The following FCHSD2 variants were observed in gnomAD, a reference collection of about 807,000 sequenced individuals.
FCHSD2 encodes F-BAR and double SH3 domains protein 2.
FCHSD2 carries 38 observed loss-of-function variants against 108.1 expected under a neutral mutation model. That is an observed-to-expected ratio of 0.35 (90% CI 0.27 to 0.46). FCHSD2 has a LOEUF of 0.46. Ranked by LOEUF, FCHSD2 falls within the 20% of genes least tolerant of loss-of-function variation. FCHSD2 has a pLI of 1.00. For synonymous variants in FCHSD2, 279 were observed against 314.7 expected, an observed-to-expected ratio of 0.89 and a Z score of 1.20; for missense variants, 751 against 897.8, an observed-to-expected ratio of 0.84 and a Z score of 2.09.
chr11:72,994,085 C>G (rs892247350), intron 5 of FCHSD2, among the ~76,000 whole-genome samples: 2 of 152,120 alleles, frequency 1.3e-5, no homozygotes, highest in South Asian at 4.1e-4. Flanking sequence ...GTCTCACTCC[C>G]TTGTCCTAGA....
At chr11:72,938,253 G>A (rs923593597) in intron 8 of FCHSD2, among the ~76,000 whole-genome samples, 2 of 145,416 alleles carry the variant, frequency 1.4e-5, no homozygotes, top group Admixed American at 7.2e-5. Context: ...GCACGATCTC[G>A]GCTCACTGCA....
intron 18 of FCHSD2, among the ~76,000 whole-genome samples, 198 bp downstream of exon 18, chr11:72,841,256 C>A (rs1017676366): frequency 6.7e-6 from 1 of 148,378 alleles, no homozygotes; most frequent in African/African-American, 2.5e-5. Context: ...ATCACTTGAG[C>A]CCAGGAATTG....
chr11:72,877,215 G>C (rs188964925), intron 12 of FCHSD2, among the ~76,000 whole-genome samples: 1 of 151,974 alleles, frequency 6.6e-6, no homozygotes, highest in Non-Finnish European at 1.5e-5. Context: ...ATTAGTGTTT[G>C]TTCTCCTGTG....
At chr11:73,018,473 A>G (rs1204711820) in intron 3 of FCHSD2, among the ~76,000 whole-genome samples, 1 of 148,706 alleles carries the variant, frequency 6.7e-6, no homozygotes, top group East Asian at 2.0e-4. Flanking sequence ...TGGTTTAAAT[A>G]TTTGTCTGTT....
At chr11:73,047,301 T>C (rs557608941) in intron 3 of FCHSD2, among the ~76,000 whole-genome samples, 1 of 152,162 alleles carries the variant, frequency 6.6e-6, no homozygotes, top group African/African-American at 2.4e-5. Context: ...TGGTAGAAGC[T>C]ACATACCTAA....
chr11:73,114,783 G>T (rs909695209), intron 2 of FCHSD2, among the ~76,000 whole-genome samples: 3 of 152,028 alleles, frequency 2.0e-5, no homozygotes, highest in African/African-American at 7.3e-5. Flanking sequence ...TGGTTGAGCT[G>T]GTATCCAAGA....
chr11:73,064,080 A>C (rs1378206882), intron 3 of FCHSD2, among the ~76,000 whole-genome samples: 2 of 152,178 alleles, frequency 1.3e-5, no homozygotes, highest in African/African-American at 4.8e-5. Flanking sequence ...TGGAAATCAT[A>C]ACAGTCTCTC....
At chr11:72,947,455 C>T (rs1295729723) in intron 8 of FCHSD2, among the ~76,000 whole-genome samples, 4 of 152,160 alleles carry the variant, frequency 2.6e-5, no homozygotes, top group Non-Finnish European at 5.9e-5. Flanking sequence ...AGAACTAAAG[C>T]CAAAGTCAGT....
At chr11:73,060,407 T>TA (rs1219667098) in intron 3 of FCHSD2, among the ~76,000 whole-genome samples, 1 of 152,200 alleles carries the variant, frequency 6.6e-6, no homozygotes, top group Non-Finnish European at 1.5e-5. Flanking sequence ...AACATTCTAA[T>TA]ACCAGGAGCC....
At chr11:73,036,253 T>C (rs939295573) in intron 3 of FCHSD2, among the ~76,000 whole-genome samples, 3 of 151,646 alleles carry the variant, frequency 2.0e-5, no homozygotes, top group Non-Finnish European at 4.4e-5. Flanking sequence ...ATTAAAGTAT[T>C]GGAGCCAACA....
At chr11:73,068,948 G>A (rs756223427) in intron 3 of FCHSD2, among the ~76,000 whole-genome samples, 42 of 151,328 alleles carry the variant, frequency 2.8e-4, no homozygotes, top group Non-Finnish European at 4.7e-4. Context: ...AAAGAAGGTC[G>A]AGGCTGCAGT....
At chr11:73,057,803 A>G (rs79208044) in intron 3 of FCHSD2, among the ~76,000 whole-genome samples, 1 of 152,140 alleles carries the variant, frequency 6.6e-6, no homozygotes, top group Non-Finnish European at 1.5e-5. Context: ...TATACAGGGA[A>G]TGAGTTCCCC....
intron 8 of FCHSD2, among the ~76,000 whole-genome samples, chr11:72,933,915 C>T (rs544060193): frequency 1.3e-5 from 2 of 151,998 alleles, no homozygotes; most frequent in South Asian, 4.2e-4. Context: ...TCAAGACTAA[C>T]TTGGGCAACA....
intron 3 of FCHSD2, among the ~76,000 whole-genome samples, chr11:73,032,152 A>G (rs1858375655): frequency 6.6e-6 from 1 of 152,218 alleles, no homozygotes; most frequent in Non-Finnish European, 1.5e-5. Context: ...TATATACTCT[A>G]GAATACATAT....
At chr11:73,018,003 T>A (rs1426776887) in intron 3 of FCHSD2, among the ~76,000 whole-genome samples, 2 of 152,170 alleles carry the variant, frequency 1.3e-5, no homozygotes, top group Non-Finnish European at 2.9e-5. Context: ...ACAGGATAAA[T>A]ATTTGAATGT....
At chr11:73,000,011 AC>A (rs1182466257) in intron 5 of FCHSD2, among the ~76,000 whole-genome samples, 1 of 152,228 alleles carries the variant, frequency 6.6e-6, no homozygotes, top group Non-Finnish European at 1.5e-5. Context: ...GCATTCTTAT[AC>A]AAATATGTTT....
intron 5 of FCHSD2, among the ~76,000 whole-genome samples, chr11:72,993,026 A>G (rs1376780023): frequency 6.6e-6 from 1 of 152,234 alleles, no homozygotes; most frequent in East Asian, 1.9e-4. Flanking sequence ...AAGGGCTAAT[A>G]ACCAGAATCT....
At chr11:73,029,843 G>A (rs1858317524) in intron 3 of FCHSD2, among the ~76,000 whole-genome samples, 3 of 152,182 alleles carry the variant, frequency 2.0e-5, no homozygotes, top group African/African-American at 7.2e-5. Context: ...CACAGGCTCA[G>A]AAAATTCCTG....
At chr11:72,994,410 CAGT>C (rs1377628562) in intron 5 of FCHSD2, among the ~76,000 whole-genome samples, 10 of 152,100 alleles carry the variant, frequency 6.6e-5, no homozygotes, top group Admixed American at 3.9e-4. Context: ...GCAGCAGCAG[CAGT>C]AGTAGTAGTA....
Sources: gnomAD v4.1 joint callset for allele counts (sites outside exome capture counted in the v4.1 genomes callset) on GRCh38, gnomAD v4.1.1 for gene constraint, MANE v1.5 for transcripts, NCBI Gene and HGNC (gene_info 2026-07-23, HGNC 2026-07-21) for gene names.